Variants in LRRC37A2 observed in about 807,000 individuals in gnomAD.
LRRC37A2 encodes the protein leucine-rich repeat-containing protein 37A2.
Under a neutral mutation model 68.8 loss-of-function variants are expected in LRRC37A2, and 9 were observed. The ratio of observed to expected loss-of-function variants is 0.13; its 90% CI spans 0.08 to 0.23. The LOEUF is 0.23. Among genes scored for constraint, LRRC37A2 ranks in the 10% least tolerant of loss-of-function variants. The pLI is 1.00. For missense variants in LRRC37A2, 168 were observed against 950.4 expected, an observed-to-expected ratio of 0.18 and a Z score of 10.82; for synonymous variants, 63 against 367.6, an observed-to-expected ratio of 0.17 and a Z score of 9.48.
the LRRC37A2 span, among the ~76,000 whole-genome samples, chr17:46,810,004 C>CTTTTTTTTTTT: frequency 7.9e-6 from 1 of 126,390 alleles, no homozygotes; most frequent in Non-Finnish European, 1.6e-5. Flanking sequence ...TTCTTTCTTT[C>CTTTTTTTTTTT]TTTTTTTTTT....
the LRRC37A2 span, among the ~76,000 whole-genome samples, chr17:46,783,180 TG>T: frequency 1.3e-5 from 2 of 151,228 alleles, no homozygotes; most frequent in Non-Finnish European, 3.0e-5. Context: ...GAGGGTAGAG[TG>T]GGTGCAGGCC....
At chr17:47,022,166 C>CTTTTTTTTTTTTTTTTTTT in the LRRC37A2 span, among the ~76,000 whole-genome samples, 82 of 15,832 alleles carry the variant, frequency 5.2e-3, 31 homozygotes, top group East Asian at 0.046. Flanking sequence ...CCTTTTTGTT[C>CTTTTTTTTTTTTTTTTTTT]TCTTTTTTTT....
chr17:47,028,492 A>C, the LRRC37A2 span: 3 of 700,694 alleles, frequency 4.3e-6, no homozygotes, highest in Non-Finnish European at 7.7e-6. Flanking sequence ...CATTTTTCTC[A>C]AATGGGGAAG....
At chr17:46,552,996 AG>A (rs1804578149) in intron 11 of LRRC37A2, among the ~76,000 whole-genome samples, 1 of 142,984 alleles carries the variant, frequency 7.0e-6, no homozygotes, top group African/African-American at 2.8e-5. Flanking sequence ...TTGAGGCTAC[AG>A]TGAGCTGTGA....
the LRRC37A2 span, among the ~76,000 whole-genome samples, chr17:46,889,786 G>C: frequency 3.9e-5 from 6 of 152,250 alleles, no homozygotes; most frequent in East Asian, 1.2e-3. Flanking sequence ...GAAAACAGAA[G>C]GCAGCTTCTA....
At chr17:46,809,060 G>A in the LRRC37A2 span, among the ~76,000 whole-genome samples, 1 of 152,192 alleles carries the variant, frequency 6.6e-6, no homozygotes, top group Non-Finnish European at 1.5e-5. Flanking sequence ...GGAGGTGGAA[G>A]TATTTCAATG....
At chr17:47,044,778 A>G in the LRRC37A2 span, among the ~76,000 whole-genome samples, 281 of 150,256 alleles carry the variant, frequency 1.9e-3, 1 homozygote, top group Middle Eastern at 6.8e-3. Flanking sequence ...TTGGGAGGCC[A>G]AAGAGAGAGG....
chr17:46,766,830 G>T, the LRRC37A2 span, among the ~76,000 whole-genome samples: 3 of 152,112 alleles, frequency 2.0e-5, no homozygotes, highest in African/African-American at 7.2e-5. Flanking sequence ...GGCTGCTCTC[G>T]CCCAGCAGCA....
At chr17:46,773,619 T>TGGGGGGGGGGGGGGGGGGGGGGGGGGGGG in the LRRC37A2 span, 1 of 549,848 alleles carries the variant, frequency 1.8e-6, no homozygotes. Flanking sequence ...ACAGTCCTGA[T>TGGGGGGGGGGGGGGGGGGGGGGGGGGGGG]CCCTCCCCCC....
the LRRC37A2 span, among the ~76,000 whole-genome samples, chr17:46,854,306 A>T: frequency 3.9e-5 from 6 of 152,224 alleles, no homozygotes; most frequent in Non-Finnish European, 7.3e-5. Context: ...TGGGAAAGTG[A>T]GGCAAAGCGC....
chr17:46,754,713 G>A, the LRRC37A2 span, among the ~76,000 whole-genome samples: 1 of 152,172 alleles, frequency 6.6e-6, no homozygotes, highest in African/African-American at 2.4e-5. Context: ...TTAGACTCAT[G>A]ACACATTCGC....
chr17:46,941,294 A>G, the LRRC37A2 span: 2 of 985,734 alleles, frequency 2.0e-6, no homozygotes, highest in Admixed American at 6.1e-5. Flanking sequence ...TGATTTGCAA[A>G]TTTGGATTTA....
At chr17:46,820,843 G>A in the LRRC37A2 span, among the ~76,000 whole-genome samples, 1 of 152,160 alleles carries the variant, frequency 6.6e-6, no homozygotes, top group African/African-American at 2.4e-5. Flanking sequence ...AGAGCCCCAT[G>A]ACAGTGGTGC....
the LRRC37A2 span, among the ~76,000 whole-genome samples, chr17:46,918,950 C>G: frequency 6.6e-6 from 1 of 152,192 alleles, no homozygotes; most frequent in South Asian, 2.1e-4. Context: ...GTATCATCTC[C>G]TCTTTGAATC....
At chr17:46,509,910 GAAA>G (rs1046984804), upstream of LRRC37A2, among the ~76,000 whole-genome samples, 1 of 46,728 alleles carries the variant, frequency 2.1e-5, no homozygotes, top group South Asian at 1.1e-3. Flanking sequence ...CTCTCTCGAG[GAAA>G]AAAAAAAAAA....
chr17:46,711,036 C>G, the LRRC37A2 span: 2 of 1,591,624 alleles, frequency 1.3e-6, no homozygotes, highest in Non-Finnish European at 1.7e-6. Flanking sequence ...GACCCAGTTA[C>G]TCGAGTTCTA....
chr17:46,851,933 T>C, the LRRC37A2 span, among the ~76,000 whole-genome samples: 1 of 152,100 alleles, frequency 6.6e-6, no homozygotes, highest in Non-Finnish European at 1.5e-5. The surrounding 1 kb of genome is among the most constrained non-coding windows in gnomAD (Gnocchi z 4.3). Context: ...CCCTGTTCAG[T>C]GTCCGAGTCT....
chr17:46,940,842 T>G, the LRRC37A2 span: 7 of 1,452,760 alleles, frequency 4.8e-6, no homozygotes, highest in Non-Finnish European at 6.3e-6. Context: ...AGCCAGTGTG[T>G]CTGGACACCC....
the LRRC37A2 span, chr17:46,932,963 G>T: frequency 1.3e-5 from 2 of 152,358 alleles, no homozygotes; most frequent in Non-Finnish European, 2.9e-5. Context: ...TTCCTGCTTT[G>T]TAGATGTTTA....
Sources: gnomAD v4.1 joint callset for allele counts (sites outside exome capture counted in the v4.1 genomes callset) on GRCh38, gnomAD v4.1.1 for gene constraint, Gnocchi (gnomAD v3.1) non-coding constraint, MANE v1.5 for transcripts, NCBI Gene and HGNC (gene_info 2026-07-23, HGNC 2026-07-21) for gene names.